Variants in NLGN1 observed in about 807,000 individuals in gnomAD.
The protein encoded by NLGN1 is neuroligin 1, also known as neuroligin-1.
In NLGN1, 12 loss-of-function variants were observed where a neutral mutation model predicts 65.5. That is an observed-to-expected ratio of 0.18 (90% CI 0.12 to 0.30). The LOEUF is 0.30. Ranked by LOEUF, NLGN1 falls within the 10% of genes least tolerant of loss-of-function variation. The pLI is 1.00. For missense variants in NLGN1, 750 were observed against 1,007.1 expected, an observed-to-expected ratio of 0.74 and a Z score of 3.46; for synonymous variants, 350 against 359.5, an observed-to-expected ratio of 0.97 and a Z score of 0.30.
At chr3:173,792,342 G>T (rs1290586989) in intron 3 of NLGN1, among the ~76,000 whole-genome samples, 2 of 152,068 alleles carry the variant, frequency 1.3e-5, no homozygotes, top group African/African-American at 4.8e-5. Context: ...ATGCCAAAAA[G>T]TTAAGGTATT....
chr3:173,942,107 GGGGT>G (rs774157393), intron 4 of NLGN1, among the ~76,000 whole-genome samples: 183 of 129,022 alleles, frequency 1.4e-3, no homozygotes, highest in African/African-American at 1.7e-3. Flanking sequence ...TTGGTGGTTG[GGGGT>G]GTGTGTGTGT....
chr3:173,603,836 A>G (rs920587705), intron 2 of NLGN1, among the ~76,000 whole-genome samples: 4 of 152,032 alleles, frequency 2.6e-5, no homozygotes, highest in African/African-American at 9.7e-5. Context: ...TCCAATGCAT[A>G]CAATCATTCT....
intron 4 of NLGN1, among the ~76,000 whole-genome samples, chr3:174,186,114 T>C (rs971923261): frequency 6.6e-6 from 1 of 152,098 alleles, no homozygotes; most frequent in African/African-American, 2.4e-5. Context: ...AAAAGATAGC[T>C]GTTAGAAAAC....
intron 4 of NLGN1, among the ~76,000 whole-genome samples, chr3:174,190,700 A>G (rs933667827): frequency 6.6e-6 from 1 of 152,136 alleles, no homozygotes; most frequent in African/African-American, 2.4e-5. Flanking sequence ...GTTTACATGC[A>G]AGTGCTGCTT....
At chr3:173,560,874 TTCTC>T (rs1364585101) in intron 2 of NLGN1, among the ~76,000 whole-genome samples, 1 of 152,154 alleles carries the variant, frequency 6.6e-6, no homozygotes, top group African/African-American at 2.4e-5. Flanking sequence ...ATATCTTTCT[TTCTC>T]TACACCCTAT....
At chr3:173,728,519 C>G (rs1051044747) in intron 3 of NLGN1, among the ~76,000 whole-genome samples, 4 of 151,952 alleles carry the variant, frequency 2.6e-5, no homozygotes, top group Admixed American at 1.3e-4. Flanking sequence ...TAGTGCCCCC[C>G]CTCCAACAAT....
intron 2 of NLGN1, among the ~76,000 whole-genome samples, chr3:173,455,614 T>C (rs191345065): frequency 5.3e-5 from 8 of 152,166 alleles, no homozygotes; most frequent in Admixed American, 5.2e-4. Flanking sequence ...TTGGTTGATA[T>C]GTGGTTGCCA....
chr3:173,970,799 G>C (rs1386540998), intron 4 of NLGN1, among the ~76,000 whole-genome samples: 1 of 152,280 alleles, frequency 6.6e-6, no homozygotes, highest in East Asian at 1.9e-4. Context: ...GCAGTAAAGA[G>C]TAGCTGGTGC....
At chr3:173,644,255 C>A in intron 3 of NLGN1, 1 of 154,070 alleles carries the variant, frequency 6.5e-6, no homozygotes. Flanking sequence ...GCCTCAGTGG[C>A]CCTGTCCTAC....
At chr3:173,660,136 A>G (rs900205845) in intron 3 of NLGN1, among the ~76,000 whole-genome samples, 3 of 151,882 alleles carry the variant, frequency 2.0e-5, no homozygotes, top group Non-Finnish European at 4.4e-5. Context: ...AGGCAGGTGA[A>G]TTATGTTCCA....
chr3:173,827,535 A>G (rs1287578608), intron 4 of NLGN1, among the ~76,000 whole-genome samples: 1 of 151,948 alleles, frequency 6.6e-6, no homozygotes, highest in Non-Finnish European at 1.5e-5. Context: ...AATGATCAGC[A>G]TATATTTGAC....
At position 174,279,376 on chromosome 3, in the gene NLGN1, T is replaced by C. The variant is rs1751178965; in HGVS notation, c.1375T>C (p.Leu459=). Residue 459 remains leucine (L), a synonymous_variant, in exon 6 of 7, where the codon TTG becomes CTG. Transcript: ENST00000457714. This position sits in a 1 kb window ranked among gnomAD's most constrained non-coding sequence, Gnocchi z 4.7. ...AACCAGAAGAAAGACATTACTGGCTTTGTTTACGGACCATCAGTGGGTGGC... is the reference window on the plus strand; with the variant it reads ...AACCAGAAGAAAGACATTACTGGCTCTGTTTACGGACCATCAGTGGGTGGC... 1 of 1,613,386 alleles carries C rather than the reference T, an allele frequency of 6.2e-7. No homozygotes were observed. The highest frequency in any genetic ancestry group is 8.5e-7 in the Non-Finnish European group (1 of 1,179,576).
chr3:174,241,948 G>A (rs572569347), intron 4 of NLGN1, among the ~76,000 whole-genome samples: 109 of 152,228 alleles, frequency 7.2e-4, no homozygotes, highest in African/African-American at 2.6e-3. Flanking sequence ...GTGAGCCACC[G>A]GGCCCGGCCC....
chr3:173,697,933 T>C (rs936612812), intron 3 of NLGN1, among the ~76,000 whole-genome samples: 1 of 152,162 alleles, frequency 6.6e-6, no homozygotes, highest in Non-Finnish European at 1.5e-5. Flanking sequence ...TAGTAATACA[T>C]TAATTTTTTT....
At chr3:173,908,929 G>A (rs1486936043) in intron 4 of NLGN1, among the ~76,000 whole-genome samples, 1 of 152,076 alleles carries the variant, frequency 6.6e-6, no homozygotes, top group Non-Finnish European at 1.5e-5. Flanking sequence ...TCTAAAGATT[G>A]AAATGTAATA....
chr3:173,943,205 G>A (rs1400942975), intron 4 of NLGN1, among the ~76,000 whole-genome samples: 1 of 150,782 alleles, frequency 6.6e-6, no homozygotes, highest in African/African-American at 2.5e-5. Flanking sequence ...CCAGCCTGGG[G>A]GACAGAAGAC....
intron 3 of NLGN1, among the ~76,000 whole-genome samples, chr3:173,676,077 C>A (rs542836443): frequency 1.3e-5 from 2 of 151,976 alleles, no homozygotes; most frequent in African/African-American, 4.8e-5. Flanking sequence ...ATATTTCTTA[C>A]AACTACATGT....
intron 4 of NLGN1, among the ~76,000 whole-genome samples, chr3:174,116,225 C>T (rs1221154131): frequency 6.6e-6 from 1 of 151,508 alleles, no homozygotes; most frequent in Non-Finnish European, 1.5e-5. Context: ...ACACCACCAC[C>T]ATCAACACCA....
chr3:174,016,769 G>A (rs913023239), intron 4 of NLGN1, among the ~76,000 whole-genome samples: 1 of 152,114 alleles, frequency 6.6e-6, no homozygotes, highest in Non-Finnish European at 1.5e-5. Flanking sequence ...GCGGGCCTTA[G>A]CAAGAGAGGG....
Sources: allele counts gnomAD v4.1 joint callset (sites outside exome capture counted in the v4.1 genomes callset), GRCh38; gene constraint gnomAD v4.1.1; non-coding constraint Gnocchi (gnomAD v3.1); transcripts MANE v1.5; gene names NCBI Gene and HGNC (gene_info 2026-07-23, HGNC 2026-07-21).